ZBTB34: variants seen among roughly 807,000 people sequenced by gnomAD.
The protein encoded by ZBTB34 is zinc finger and BTB domain containing 34, also known as zinc finger and BTB domain-containing protein 34.
A neutral mutation model predicts 33.4 loss-of-function variants in ZBTB34; 1 was observed. That is an observed-to-expected ratio of 0.03 (90% CI 0.01 to 0.14). ZBTB34 has a LOEUF of 0.14. ZBTB34 is among the 10% of genes least tolerant of loss of function. ZBTB34 has a pLI of 1.00. For missense variants in ZBTB34, 406 were observed against 657.2 expected, an observed-to-expected ratio of 0.62 and a Z score of 4.18; for synonymous variants, 283 against 253.5, an observed-to-expected ratio of 1.12 and a Z score of -1.11.
chr9:126,866,807 A>G (rs2033207709), intron 1 of ZBTB34, among the ~76,000 whole-genome samples: 1 of 152,112 alleles, frequency 6.6e-6, no homozygotes, highest in South Asian at 2.1e-4. Context: ...TAGTTATGTG[A>G]TTTTTTAAAT....
intron 1 of ZBTB34, among the ~76,000 whole-genome samples, chr9:126,868,670 C>T (rs1046145166): frequency 6.6e-6 from 1 of 152,142 alleles, no homozygotes; most frequent in Non-Finnish European, 1.5e-5. Flanking sequence ...CCTGGAGGGC[C>T]CCTCACAGTT....
intron 1 of ZBTB34, among the ~76,000 whole-genome samples, chr9:126,866,811 T>G (rs2033207820): frequency 6.6e-6 from 1 of 152,186 alleles, no homozygotes; most frequent in Admixed American, 6.5e-5. Context: ...TATGTGATTT[T>G]TTAAATGCAA....
At chr9:126,875,016 G>A (rs2033336918) in intron 1 of ZBTB34, among the ~76,000 whole-genome samples, 3 of 152,080 alleles carry the variant, frequency 2.0e-5, no homozygotes, top group Admixed American at 2.0e-4. Flanking sequence ...TATAAGTTTG[G>A]TTGTATTTGT....
At chr9:126,872,865 A>G (rs1248607441) in intron 1 of ZBTB34, among the ~76,000 whole-genome samples, 1 of 152,218 alleles carries the variant, frequency 6.6e-6, no homozygotes, top group East Asian at 1.9e-4. Flanking sequence ...CTCATATTGC[A>G]GAAAAATGGA....
intron 1 of ZBTB34, among the ~76,000 whole-genome samples, chr9:126,867,822 A>G (rs1473156857): frequency 6.6e-6 from 1 of 150,880 alleles, no homozygotes; most frequent in East Asian, 1.9e-4. Context: ...ATAGAGTGGC[A>G]TTAAATGGAA....
At chr9:126,871,233 T>C (rs571996930) in intron 1 of ZBTB34, among the ~76,000 whole-genome samples, 2 of 151,926 alleles carry the variant, frequency 1.3e-5, no homozygotes, top group East Asian at 3.9e-4. Context: ...GGTGACATTC[T>C]GTGTTTGTAA....
intron 1 of ZBTB34, among the ~76,000 whole-genome samples, chr9:126,861,460 T>A (rs1297408560): frequency 6.6e-6 from 1 of 152,200 alleles, no homozygotes; most frequent in Non-Finnish European, 1.5e-5. Flanking sequence ...AGTTTCCCCA[T>A]GTGATCATTG....
At chr9:126,861,103 G>T (rs926062948) in intron 1 of ZBTB34, among the ~76,000 whole-genome samples, 1 of 152,120 alleles carries the variant, frequency 6.6e-6, no homozygotes, top group Admixed American at 6.5e-5. Flanking sequence ...CGGGCCCCTA[G>T]CCCTGGGGGC....
At chr9:126,865,448 C>T (rs2033188555) in intron 1 of ZBTB34, among the ~76,000 whole-genome samples, 1 of 152,248 alleles carries the variant, frequency 6.6e-6, no homozygotes, top group African/African-American at 2.4e-5. Flanking sequence ...TCAGCTTTTA[C>T]ATTTTTACTT....
intron 1 of ZBTB34, among the ~76,000 whole-genome samples, chr9:126,866,751 T>A (rs2033206670): frequency 6.6e-6 from 1 of 152,194 alleles, no homozygotes. Flanking sequence ...TATATATTTG[T>A]AGGTACTAAC....
chr9:126,872,754 G>C (rs984360197), intron 1 of ZBTB34, among the ~76,000 whole-genome samples: 1 of 152,196 alleles, frequency 6.6e-6, no homozygotes, highest in Non-Finnish European at 1.5e-5. Flanking sequence ...TTGTTCAAGA[G>C]TGTGGCTTGT....
intron 1 of ZBTB34, among the ~76,000 whole-genome samples, chr9:126,863,168 G>A (rs2033163092): frequency 6.6e-6 from 1 of 152,154 alleles, no homozygotes; most frequent in South Asian, 2.1e-4. Flanking sequence ...TTGAATCCTA[G>A]CAAGTCTGCT....
At chr9:126,863,671 T>A in intron 1 of ZBTB34, 1 of 985,298 alleles carries the variant, frequency 1.0e-6, no homozygotes, top group South Asian at 4.7e-5. Context: ...TTCTGGTTGA[T>A]GTTGATGGCA....
intron 1 of ZBTB34, among the ~76,000 whole-genome samples, chr9:126,865,252 C>T (rs768878727): frequency 3.3e-5 from 5 of 152,272 alleles, no homozygotes; most frequent in Non-Finnish European, 7.4e-5. Flanking sequence ...GCTGAGGGTG[C>T]GGCTGTAGTG....
Position 126,879,336 on chromosome 9 carries a change from C to T in ZBTB34, c.-10-54C>T. ...TTGTTGTAAGCTTGTGTTTATGCCA[C>T]TTGTACTTAGTGAGGAGTCATTGGT... is the stretch of plus-strand genomic sequence containing the variant. On this transcript the variant is annotated intron_variant, in intron 1 of 1. Transcript: ENST00000319119. The surrounding 1 kb of genome is among the most constrained non-coding windows in gnomAD (Gnocchi z 6.4). The T allele has an allele frequency of 6.9e-7, 1 of 1,454,066 alleles. No individual in the cohort carries two copies. Among genetic ancestry groups the T allele is most frequent in the Non-Finnish European group, 9.4e-7 (1 of 1,065,932 alleles). 90.1% of individuals were successfully genotyped at this position (1,454,066 alleles called of 1,614,324 possible).
At chr9:126,861,506 T>C (rs2033143351) in intron 1 of ZBTB34, among the ~76,000 whole-genome samples, 1 of 152,228 alleles carries the variant, frequency 6.6e-6, no homozygotes, top group South Asian at 2.1e-4. Context: ...CCCTTCTGGC[T>C]CTGCCATTCC....
At position 126,880,403 on chromosome 9, in the gene ZBTB34, A is replaced by G. The variant is rs751070844; in HGVS notation, c.1004A>G (p.His335Arg). ...AAGCGGGCTTTGTCTGTCCACCTGCACAGTGACCTGCAGGGCCTGGTGCAG... is the reference window on the plus strand; with the variant it reads ...AAGCGGGCTTTGTCTGTCCACCTGCGCAGTGACCTGCAGGGCCTGGTGCAG... Residue 335 changes from histidine to arginine, a missense_variant, in exon 2 of 2, where the codon CAC becomes CGC. By Grantham distance (29) the His-to-Arg change is conservative. Around this residue, in one of 6 missense-constraint regions of ZBTB34, gnomAD observed 123 missense variants for 140.4 expected, o/e 0.88. Coordinates refer to ENST00000319119, the Ensembl canonical transcript of ZBTB34. This position sits in a 1 kb window ranked among gnomAD's most constrained non-coding sequence, Gnocchi z 6.7. The G allele has an allele frequency of 8.1e-6, 13 of 1,613,628 alleles. No homozygotes were observed. The African/African-American group carries it at 1.5e-4, about 18-fold the overall frequency.
At chr9:126,862,602 C>CT (rs2033156519) in intron 1 of ZBTB34, among the ~76,000 whole-genome samples, 2 of 152,172 alleles carry the variant, frequency 1.3e-5, no homozygotes, top group African/African-American at 4.8e-5. Context: ...CACTGGCCTC[C>CT]TTTTTCTTTT....
intron 1 of ZBTB34, among the ~76,000 whole-genome samples, chr9:126,867,447 C>CTTTTTTTTTTTTTTTTTTT (rs201325256): frequency 8.4e-6 from 1 of 119,510 alleles, no homozygotes; most frequent in African/African-American, 3.1e-5. Flanking sequence ...TGTCATTTTT[C>CTTTTTTTTTTTTTTTTTTT]TTTTTTTTTT....
Sources: allele counts gnomAD v4.1 joint callset (sites outside exome capture counted in the v4.1 genomes callset), GRCh38; gene constraint gnomAD v4.1.1; regional missense constraint gnomAD v4.1.1; non-coding constraint Gnocchi (gnomAD v3.1); transcripts MANE v1.5; gene names NCBI Gene and HGNC (gene_info 2026-07-23, HGNC 2026-07-21).